CBLB: variants seen among roughly 807,000 people sequenced by gnomAD.
CBLB encodes Cbl proto-oncogene B.
Under a neutral mutation model 104.9 loss-of-function variants are expected in CBLB, and 31 were observed. The observed-to-expected ratio is 0.30, with a 90% CI of 0.22 to 0.40. The LOEUF is 0.40. Among genes scored for constraint, CBLB ranks in the 10% least tolerant of loss-of-function variants. The pLI is 1.00. For missense variants in CBLB, 1,062 were observed against 1,214.6 expected (o/e 0.87, Z 1.87); for synonymous variants, 440 against 422.6 (o/e 1.04, Z -0.51).
intron 10 of CBLB, among the ~76,000 whole-genome samples, chr3:105,713,161 G>A (rs1371517750): frequency 6.6e-6 from 1 of 152,034 alleles, no homozygotes; most frequent in Admixed American, 6.6e-5. Flanking sequence ...TTTTCCATGT[G>A]CCAGCACTGT....
At chr3:105,665,442 T>TATACAC (rs1182735970) in intron 18 of CBLB, among the ~76,000 whole-genome samples, 94 of 67,060 alleles carry the variant, frequency 1.4e-3, no homozygotes, top group African/African-American at 4.3e-3. Context: ...TATATATATA[T>TATACAC]ACACACACAC....
chr3:105,744,944 CA>C lies in CBLB; in HGVS notation c.845+972del, dbSNP rs2075963596. Among the ~76,000 whole-genome samples, 3 of 151,532 alleles carry C rather than the reference CA, an allele frequency of 2.0e-5. No homozygotes were observed. In the South Asian group the frequency reaches 6.3e-4, roughly 32 times the overall value. On this transcript the variant is annotated intron_variant, in intron 6 of 18. Coordinates refer to ENST00000394030, the MANE Select transcript of CBLB (RefSeq NM_170662.5). ...ACTCCATCTCAAAAACAAAGCAAAA[CA>C]AAACAAAACAAAAATGTTATAAAGT...
At chr3:105,723,663 A>G (rs1466687451) in intron 9 of CBLB, among the ~76,000 whole-genome samples, 2 of 152,248 alleles carry the variant, frequency 1.3e-5, no homozygotes, top group South Asian at 4.1e-4. Flanking sequence ...TACTCTATGT[A>G]AAAACCCAAA....
intron 10 of CBLB, among the ~76,000 whole-genome samples, chr3:105,714,843 G>C (rs777443182): frequency 3.1e-4 from 47 of 152,196 alleles, no homozygotes; most frequent in Non-Finnish European, 3.1e-4. Flanking sequence ...TTTAATTGAA[G>C]AAGGCAACAA....
chr3:105,670,590 A>C (rs1475989437), intron 17 of CBLB: 1 of 472,948 alleles, frequency 2.1e-6, no homozygotes, highest in African/African-American at 2.0e-5. Context: ...TTTTATATTT[A>C]TATTTTGCAG....
At chr3:105,702,933 A>G (rs1463925610) in intron 11 of CBLB, among the ~76,000 whole-genome samples, 1 of 152,146 alleles carries the variant, frequency 6.6e-6, no homozygotes, top group Non-Finnish European at 1.5e-5. Context: ...CATCACTGTG[A>G]TACAGCAAAA....
intron 3 of CBLB, among the ~76,000 whole-genome samples, chr3:105,787,346 G>A (rs1435788399): frequency 6.6e-6 from 1 of 152,170 alleles, no homozygotes; most frequent in Admixed American, 6.5e-5. Flanking sequence ...AGAAAACACA[G>A]TGCTGACAGA....
chr3:105,802,464 A>G (rs897120232), intron 3 of CBLB, among the ~76,000 whole-genome samples: 2 of 152,254 alleles, frequency 1.3e-5, no homozygotes, highest in Non-Finnish European at 2.9e-5. Flanking sequence ...AACTAAAAAC[A>G]TAAGAGAAAG....
chr3:105,670,313 G>A lies in CBLB; in HGVS notation c.2609C>T (p.Pro870Leu), dbSNP rs1373949651. The change falls in exon 18 of 19, where the codon CCT becomes CTT. Residue 870 changes from proline to leucine, a missense_variant. Physicochemically the swap from Pro to Leu is moderately conservative, Grantham distance 98. Transcript: ENST00000394030. ...VDLASGQVPL[P>L]PARRLPGENV... ...TTCACCTGGTAACCTTCTAGCAGGAGGCAAAGGAACTTGGCCACTTGCTAG... is the reference window on the plus strand; with the variant it reads ...TTCACCTGGTAACCTTCTAGCAGGAAGCAAAGGAACTTGGCCACTTGCTAG... 3 of 1,610,836 alleles carry A rather than the reference G, an allele frequency of 1.9e-6. No individual in the cohort carries two copies. The highest frequency in any genetic ancestry group is 2.5e-6 in the Non-Finnish European group (3 of 1,177,368).
chr3:105,690,387 G>A (rs1158903783), intron 13 of CBLB, among the ~76,000 whole-genome samples: 1 of 152,070 alleles, frequency 6.6e-6, no homozygotes, highest in Non-Finnish European at 1.5e-5. Context: ...GTTATTGTCA[G>A]GTTTGCCATC....
chr3:105,822,362 T>C (rs986916880), intron 3 of CBLB, among the ~76,000 whole-genome samples: 1 of 152,206 alleles, frequency 6.6e-6, no homozygotes, highest in African/African-American at 2.4e-5. Flanking sequence ...GGTCCTATTC[T>C]CAGGATGAGC....
chr3:105,853,744 ATTTCTTCAT>A, intron 2 of CBLB, 80 bp from the exon 3 acceptor site: 1 of 950,866 alleles, frequency 1.1e-6, no homozygotes, highest in Non-Finnish European at 1.6e-6. Context: ...ACCATGTCCT[ATTTCTTCAT>A]TTTTCCATAA....
intron 4 of CBLB, among the ~76,000 whole-genome samples, chr3:105,763,589 A>G (rs553824349): frequency 2.0e-5 from 3 of 152,336 alleles, no homozygotes; most frequent in East Asian, 1.9e-4. Context: ...CTCCCTAGTC[A>G]TGTGGAACTG....
chr3:105,673,708 C>G (rs938323139), intron 17 of CBLB: 1 of 152,208 alleles, frequency 6.6e-6, no homozygotes, highest in Non-Finnish European at 1.5e-5. Flanking sequence ...ACTCACTACA[C>G]TCAAGGTAGA....
chr3:105,719,877 G>T (rs2072510284), intron 10 of CBLB, among the ~76,000 whole-genome samples, 170 bp downstream of exon 10: 1 of 152,138 alleles, frequency 6.6e-6, no homozygotes, highest in Non-Finnish European at 1.5e-5. Context: ...AAGATGTGGA[G>T]GTAGAAGACA....
rs144568324 is a variant in CBLB at position 105,758,957 on chromosome 3, G to A, written c.567-7339C>T. ...TGCCCACAATGTGGGGCGTGAAGGG[G>A]GTGGAGGGTGGGCACATTTCAGCCC... On this transcript the variant is annotated intron_variant, in intron 4 of 18. Transcript: ENST00000394030. Among the ~76,000 whole-genome samples, 233 of 152,356 alleles carry A rather than the reference G, an allele frequency of 1.5e-3. 3 individuals carry two copies. Among genetic ancestry groups the A allele is most frequent in the African/African-American group, 5.4e-3 (223 of 41,594 alleles).
At chr3:105,744,637 A>C (rs1301767265) in intron 6 of CBLB, among the ~76,000 whole-genome samples, 1 of 152,184 alleles carries the variant, frequency 6.6e-6, no homozygotes, top group African/African-American at 2.4e-5. Context: ...GCACTTAAAA[A>C]AAAAACTGTT....
At chr3:105,731,663 G>A (rs2074331514) in intron 9 of CBLB, among the ~76,000 whole-genome samples, 1 of 152,022 alleles carries the variant, frequency 6.6e-6, no homozygotes, top group African/African-American at 2.4e-5. Flanking sequence ...ATGTTGTCCA[G>A]GCTGTTCTCG....
At chr3:105,715,342 C>T (rs944959644) in intron 10 of CBLB, among the ~76,000 whole-genome samples, 1 of 152,214 alleles carries the variant, frequency 6.6e-6, no homozygotes, top group Non-Finnish European at 1.5e-5. Context: ...TACTTTCTAT[C>T]AGAGAGGGAA....
Sources: gnomAD v4.1 joint callset for allele counts (sites outside exome capture counted in the v4.1 genomes callset) on GRCh38, gnomAD v4.1.1 for gene constraint, MANE v1.5 for transcripts, NCBI Gene and HGNC (gene_info 2026-07-23, HGNC 2026-07-21) for gene names.